Variants in SH3BP4 observed in about 807,000 individuals in gnomAD.
SH3BP4 encodes SH3 domain-binding protein 4.
Under a neutral mutation model 65.5 loss-of-function variants are expected in SH3BP4, and 33 were observed. The observed-to-expected ratio is 0.50, with a 90% CI of 0.38 to 0.67. The LOEUF is 0.67. Ranked by LOEUF, SH3BP4 falls within the 30% of genes least tolerant of loss-of-function variation. SH3BP4 has a pLI of 0.00. For synonymous variants in SH3BP4, 552 were observed against 545.5 expected, an observed-to-expected ratio of 1.01 and a Z score of -0.17; for missense variants, 1,134 against 1,261.4, an observed-to-expected ratio of 0.90 and a Z score of 1.53.
chr2:234,959,466 A>G (rs1375083206), intron 1 of SH3BP4, among the ~76,000 whole-genome samples: 3 of 152,218 alleles, frequency 2.0e-5, no homozygotes, highest in Admixed American at 2.0e-4. Context: ...TCTTCTTGAC[A>G]TCTTGGCAGT....
At chr2:234,983,812 G>A (rs780692786) in intron 1 of SH3BP4, among the ~76,000 whole-genome samples, 1 of 152,210 alleles carries the variant, frequency 6.6e-6, no homozygotes, top group Non-Finnish European at 1.5e-5. Flanking sequence ...AGGCAGCCAC[G>A]GGATGCAGGA....
chr2:235,003,289 G>A lies in SH3BP4; in HGVS notation c.-133+7913G>A, dbSNP rs76681599. ...ACCGAGGAGAACTCTCCCCTGGCCA[G>A]GGCCTAGCTCTCAAACACCAGATTC... On this transcript the variant is annotated intron_variant, in intron 2 of 5. Transcript: ENST00000392011. Among the ~76,000 whole-genome samples the A allele has an allele frequency of 6.7e-3, 1,014 of 152,356 alleles. 19 individuals carry two copies. The highest frequency in any genetic ancestry group is 0.023 in the African/African-American group (959 of 41,584).
intron 2 of SH3BP4, among the ~76,000 whole-genome samples, chr2:235,025,251 C>T (rs985045450): frequency 2.6e-5 from 4 of 151,964 alleles, no homozygotes; most frequent in African/African-American, 7.3e-5. Flanking sequence ...AGGGTGAGGG[C>T]GGGGAAGGAA....
chr2:234,968,719 T>A (rs372642584), intron 1 of SH3BP4, among the ~76,000 whole-genome samples: 1 of 152,192 alleles, frequency 6.6e-6, no homozygotes, highest in Non-Finnish European at 1.5e-5. Flanking sequence ...CCTTCCCCGA[T>A]CCACACTCAC....
Position 235,046,317 on chromosome 2 carries a change from C to T in SH3BP4, c.2478+3070C>T, listed in dbSNP as rs1695857478. On this transcript the variant is annotated intron_variant, in intron 4 of 5. Coordinates refer to ENST00000392011, the MANE Select transcript of SH3BP4 (RefSeq NM_014521.3). The surrounding 1 kb of genome is among the most constrained non-coding windows in gnomAD (Gnocchi z 4.2). The stretch of plus-strand genomic sequence containing the variant: ...GGCATGGAGGTTCACACCTGTAATA[C>T]CAGCACTTTGGGAGGCTGAGACAGG... Among the ~76,000 whole-genome samples, 1 of 152,166 alleles carries T rather than the reference C, an allele frequency of 6.6e-6. No homozygotes were observed. The highest frequency in any genetic ancestry group is 2.4e-5 in the African/African-American group (1 of 41,446).
intron 2 of SH3BP4, among the ~76,000 whole-genome samples, chr2:234,999,900 G>T (rs758047143): frequency 2.3e-4 from 35 of 152,378 alleles, no homozygotes; most frequent in Admixed American, 5.2e-4. Context: ...TGGCCCAGGA[G>T]TGGCTGCCAG....
chr2:235,038,288 TA>T (rs60085480), intron 3 of SH3BP4, among the ~76,000 whole-genome samples: 2 of 19,404 alleles, frequency 1.0e-4, no homozygotes, highest in Non-Finnish European at 6.4e-5. Context: ...ATATTATATA[TA>T]ATATATATAT....
chr2:234,963,817 A>T (rs1311729548), intron 1 of SH3BP4, among the ~76,000 whole-genome samples: 1 of 152,246 alleles, frequency 6.6e-6, no homozygotes, highest in East Asian at 1.9e-4. Flanking sequence ...GTGTCACTTG[A>T]TCAGCTGTGA....
Position 234,974,018 on chromosome 2 carries a change from G to A in SH3BP4, c.-206-21285G>A, listed in dbSNP as rs1055310174. On this transcript the variant is annotated intron_variant, in intron 1 of 5. Transcript: ENST00000392011. This position sits in a 1 kb window ranked among gnomAD's most constrained non-coding sequence, Gnocchi z 4.6. ...TGCTCCGGGTCTAGTAAGTCAACAG[G>A]GGAGGCTTTCAGAACTCAGCAGCTC... Among the ~76,000 whole-genome samples, 4 of 152,056 alleles carry A rather than the reference G, an allele frequency of 2.6e-5. No individual in the cohort carries two copies. Among genetic ancestry groups the A allele is most frequent in the Non-Finnish European group, 5.9e-5 (4 of 68,008 alleles).
In SH3BP4 at chr2:235,055,125, TGGAAG is replaced by T. The variant is rs1474624350; in HGVS notation, c.*1313_*1317del. 2 of 152,218 alleles carry T rather than the reference TGGAAG, an allele frequency of 1.3e-5. No homozygotes were observed. Among genetic ancestry groups the T allele is most frequent in the Non-Finnish European group, 2.9e-5 (2 of 68,054 alleles). 9.4% of individuals were successfully genotyped at this position (152,218 alleles called of 1,614,324 possible). A position where few individuals can be genotyped will look rare whatever the true frequency, so the allele number is the denominator to read the frequency against. Reference sequence around the variant, plus strand: ...ACAATGCGTCGTAGATGTCGCGTGTTGGAAGGGAGCAGGAGGAAGGACTGATACTG... The same window carrying T: ...ACAATGCGTCGTAGATGTCGCGTGTTGGAGCAGGAGGAAGGACTGATACTG... On this transcript the variant is annotated 3_prime_UTR_variant, in exon 6 of 6. Transcript: ENST00000392011.
chr2:234,957,430 C>T (rs1692612868), intron 1 of SH3BP4, among the ~76,000 whole-genome samples: 1 of 151,818 alleles, frequency 6.6e-6, no homozygotes, highest in Admixed American at 6.6e-5. Context: ...CCCACCCACA[C>T]GACACCCCTG....
At chr2:235,003,941 C>A (rs188925526) in intron 2 of SH3BP4, among the ~76,000 whole-genome samples, 2 of 152,174 alleles carry the variant, frequency 1.3e-5, no homozygotes, top group Admixed American at 1.3e-4. Flanking sequence ...GCCCTAGGTA[C>A]CTGCCCTCTG....
rs778460073 is a variant in SH3BP4 at position 234,977,284 on chromosome 2, T to C, written c.-206-18019T>C. On this transcript the variant is annotated intron_variant, in intron 1 of 5. Transcript: ENST00000392011. This position sits in a 1 kb window ranked among gnomAD's most constrained non-coding sequence, Gnocchi z 5.1. The stretch of plus-strand genomic sequence containing the variant: ...CCATTTCCTGGCCGGGAACTTCCCT[T>C]TCCTACAGACCCTCGCTTGGTGCGC... Among the ~76,000 whole-genome samples, 11 of 152,106 alleles carry C rather than the reference T, an allele frequency of 7.2e-5. No homozygotes were observed. Among genetic ancestry groups the C allele is most frequent in the Admixed American group, 2.6e-4 (4 of 15,266 alleles).
At chr2:234,956,953 G>A (rs1033077154) in intron 1 of SH3BP4, among the ~76,000 whole-genome samples, 4 of 152,156 alleles carry the variant, frequency 2.6e-5, no homozygotes, top group African/African-American at 9.7e-5. Context: ...CCTGCTCTCT[G>A]AGGAGAAAGC....
At chr2:235,014,115 G>A (rs1694610531) in intron 2 of SH3BP4, among the ~76,000 whole-genome samples, 1 of 152,012 alleles carries the variant, frequency 6.6e-6, no homozygotes, top group African/African-American at 2.4e-5. Context: ...AAATGCCTTT[G>A]CGTGGCTCTT....
chr2:235,040,816 C>T, intron 3 of SH3BP4, 72 bp from the exon 4 acceptor site: 1 of 1,348,670 alleles, frequency 7.4e-7, no homozygotes. Context: ...ACCGTCCTCT[C>T]TCCTTTGGGA....
intron 2 of SH3BP4, among the ~76,000 whole-genome samples, chr2:235,015,351 G>A (rs948538356): frequency 9.2e-5 from 14 of 152,166 alleles, no homozygotes; most frequent in African/African-American, 3.4e-4. Context: ...ATGAACCTCT[G>A]CAGAAGGCTC....
intron 2 of SH3BP4, among the ~76,000 whole-genome samples, chr2:235,031,233 G>T (rs1695193566): frequency 6.6e-6 from 1 of 152,234 alleles, no homozygotes; most frequent in African/African-American, 2.4e-5. Flanking sequence ...CGTCTTCCTT[G>T]AATGGTTTCC....
intron 2 of SH3BP4, among the ~76,000 whole-genome samples, chr2:234,996,949 TG>T (rs1206040068): frequency 2.7e-5 from 4 of 147,734 alleles, no homozygotes; most frequent in Non-Finnish European, 6.0e-5. Context: ...TTTCTGACCC[TG>T]TGCCAGAGTT....
Sources: allele counts gnomAD v4.1 joint callset (sites outside exome capture counted in the v4.1 genomes callset), GRCh38; gene constraint gnomAD v4.1.1; non-coding constraint Gnocchi (gnomAD v3.1); transcripts MANE v1.5; gene names NCBI Gene and HGNC (gene_info 2026-07-23, HGNC 2026-07-21).